Variants in TDRP observed in about 807,000 individuals in gnomAD.
TDRP encodes testis development-related protein.
TDRP carries 12 observed loss-of-function variants against 10.5 expected under a neutral mutation model. The observed-to-expected ratio is 1.15, with a 90% confidence interval of 0.73 to 1.86. The LOEUF (loss-of-function observed/expected upper bound fraction) is 1.86, where lower values mean the gene tolerates loss of function less well. Among genes scored for constraint, TDRP ranks in the 40% most tolerant of loss-of-function variants. The probability of loss-of-function intolerance (pLI) is 0.00; values close to 1 mark genes in which losing one functional copy is unlikely to be tolerated. For synonymous variants in TDRP, 139 were observed against 95.4 expected (o/e 1.46, Z -2.67); for missense variants, 353 against 229.2 (o/e 1.54, Z -3.49).
chr8:519,253 C>G (rs1432967295), intron 1 of TDRP, among the ~76,000 whole-genome samples: 2 of 152,152 alleles, frequency 1.3e-5, no homozygotes, highest in Non-Finnish European at 2.9e-5. Flanking sequence ...TGTGTGCCCT[C>G]CCCATGCCTT....
At chr8:512,022 A>C (rs1801633311) in intron 1 of TDRP, among the ~76,000 whole-genome samples, 1 of 152,178 alleles carries the variant, frequency 6.6e-6, no homozygotes, top group Non-Finnish European at 1.5e-5. Context: ...AGCAAACTAA[A>C]CCTAAAGGAA....
intron 1 of TDRP, among the ~76,000 whole-genome samples, chr8:526,980 C>T (rs1802051157): frequency 6.6e-6 from 1 of 152,116 alleles, no homozygotes; most frequent in Non-Finnish European, 1.5e-5. Flanking sequence ...ATAGGGCAGG[C>T]ACAGTGACTC....
At chr8:537,127 C>G (rs1212604266) in intron 1 of TDRP, among the ~76,000 whole-genome samples, 1 of 152,232 alleles carries the variant, frequency 6.6e-6, no homozygotes, top group Non-Finnish European at 1.5e-5. Context: ...ATGTGGAAAC[C>G]CCACACCAGG....
At chr8:532,361 C>A (rs748839895) in intron 1 of TDRP, among the ~76,000 whole-genome samples, 6 of 152,182 alleles carry the variant, frequency 3.9e-5, no homozygotes, top group Non-Finnish European at 8.8e-5. Context: ...CTCAGAAGGG[C>A]ACATATTAGC....
intron 1 of TDRP, among the ~76,000 whole-genome samples, chr8:530,788 C>A (rs1178316945): frequency 6.6e-6 from 1 of 152,166 alleles, no homozygotes; most frequent in Non-Finnish European, 1.5e-5. Context: ...AGGAATCAGT[C>A]TCTTGGGCAG....
intron 1 of TDRP, among the ~76,000 whole-genome samples, chr8:506,420 G>C (rs1191604010): frequency 6.6e-6 from 1 of 152,178 alleles, no homozygotes; most frequent in Non-Finnish European, 1.5e-5. Context: ...GGAGGAACTG[G>C]ACTTCAGCTT....
chr8:542,276 A>C (rs1322254366), intron 1 of TDRP, among the ~76,000 whole-genome samples: 2 of 152,180 alleles, frequency 1.3e-5, no homozygotes, highest in Non-Finnish European at 2.9e-5. Context: ...AGGGTCTCTA[A>C]GGCAGCAAAA....
chr8:544,733 C>G lies in TDRP; in HGVS notation c.25G>C (p.Val9Leu), dbSNP rs751979167. Residue 9 changes from valine to leucine, a missense_variant, in exon 1 of 3, where the codon GTG (valine) becomes CTG (leucine). By Grantham distance (32) the Val-to-Leu change is conservative. Coordinates refer to ENST00000324079, the MANE Select transcript of TDRP (RefSeq NM_001384899.1). ...TCCTCGGGGGGCTCGTCCAGCAGCA[C>G]TCGGCCCCGGCCCAGCTTCCACATG... MWKLGRGR[V>L]LLDEPPEEED... is the part of the protein sequence containing the mutation. The G allele has an allele frequency of 2.7e-5, 33 of 1,241,770 alleles. No individual in the cohort carries two copies. The highest frequency in any genetic ancestry group is 3.2e-5 in the East Asian group (1 of 31,660). The allele number at this position is 1,241,770 out of a possible 1,614,324, so 76.9% of individuals were successfully genotyped here.
intron 1 of TDRP, among the ~76,000 whole-genome samples, chr8:504,378 A>G (rs181338383): frequency 6.6e-6 from 1 of 152,258 alleles, no homozygotes; most frequent in African/African-American, 2.4e-5. Flanking sequence ...CTGGGGGTGC[A>G]GCAATAAAGC....
intron 1 of TDRP, among the ~76,000 whole-genome samples, chr8:506,082 G>C (rs940462212): frequency 6.6e-6 from 1 of 152,128 alleles, no homozygotes. Flanking sequence ...CTGCCACAAA[G>C]ACAGAGGGGC....
upstream of TDRP, chr8:545,524 C>G (rs577234745): frequency 6.6e-6 from 1 of 152,134 alleles, no homozygotes; most frequent in South Asian, 2.1e-4. Context: ...CGGCCGGGAG[C>G]GCAGTGCGCA....
Position 491,322 on chromosome 8 carries a change from C to A in TDRP, c.*1077G>T, listed in dbSNP as rs529995061. ...ACCTTTTCTTTCAAACCACTTTTAT[C>A]TAAGAGATATCTGCAGGACTTGCTG... On this transcript the variant is annotated 3_prime_UTR_variant, in exon 3 of 3. Transcript: ENST00000324079. 5 of 323,506 alleles carry A rather than the reference C, an allele frequency of 1.5e-5. No homozygotes were observed. In the South Asian group the frequency reaches 7.8e-4, roughly 51 times the overall value. The allele number at this position is 323,506 out of a possible 1,614,324, so 20.0% of individuals were successfully genotyped here. A position where few individuals can be genotyped will look rare whatever the true frequency, so the allele number is the denominator to read the frequency against.
rs1320241145 is a variant in TDRP at position 491,214 on chromosome 8, G to C, written c.*1185C>G. 2.5e-5 allele frequency: 4 copies of C among 159,072 alleles called. No individual in the cohort carries two copies. Among genetic ancestry groups the C allele is most frequent in the Admixed American group, 6.5e-5 (1 of 15,484 alleles). 9.9% of individuals were successfully genotyped at this position (159,072 alleles called of 1,614,324 possible). A position where few individuals can be genotyped will look rare whatever the true frequency, so the allele number is the denominator to read the frequency against. ...GTGCATGCCGAGCAACTCAGGAAAG[G>C]GTTTTTGTCTTGTTTTTACGTGAGG... On this transcript the variant is annotated 3_prime_UTR_variant, in exon 3 of 3. Coordinates refer to ENST00000324079, the MANE Select transcript of TDRP (RefSeq NM_001384899.1).
intron 1 of TDRP, among the ~76,000 whole-genome samples, chr8:529,382 T>C (rs984134602): frequency 6.6e-6 from 1 of 152,232 alleles, no homozygotes; most frequent in South Asian, 2.1e-4. Context: ...TCTAATTCTA[T>C]ACCAGAATTT....
chr8:515,327 A>T (rs1354831190), intron 1 of TDRP, among the ~76,000 whole-genome samples: 11 of 152,238 alleles, frequency 7.2e-5, no homozygotes, highest in Non-Finnish European at 1.5e-5. Context: ...CTATGAGTAT[A>T]TACATTATGC....
chr8:537,558 CA>C (rs757712164), intron 1 of TDRP, among the ~76,000 whole-genome samples: 3 of 152,170 alleles, frequency 2.0e-5, no homozygotes, highest in Admixed American at 6.5e-5. Flanking sequence ...CATTTCATCC[CA>C]GGGGCAGGAC....
intron 1 of TDRP, among the ~76,000 whole-genome samples, chr8:521,278 G>A (rs374627788): frequency 1.2e-4 from 18 of 149,964 alleles, no homozygotes; most frequent in Non-Finnish European, 1.9e-4. Flanking sequence ...ATAGGCAGGC[G>A]TGGTGGTGGG....
At chr8:544,972 C>T (rs1802602029), upstream of TDRP, 1 of 333,640 alleles carries the variant, frequency 3.0e-6, no homozygotes, top group Admixed American at 5.1e-5. Context: ...GCCCCCAAAC[C>T]ATCCCCAGAA....
chr8:506,790 C>T (rs932787993), intron 1 of TDRP, among the ~76,000 whole-genome samples: 1 of 152,194 alleles, frequency 6.6e-6, no homozygotes, highest in Non-Finnish European at 1.5e-5. Context: ...CAGCACTAAC[C>T]TTCAGAGCTG....
Sources: gnomAD v4.1 joint callset for allele counts (sites outside exome capture counted in the v4.1 genomes callset) on GRCh38, gnomAD v4.1.1 for gene constraint, MANE v1.5 for transcripts, NCBI Gene and HGNC (gene_info 2026-07-23, HGNC 2026-07-21) for gene names.